The following ANKRD10 variants were observed in gnomAD, a reference collection of about 807,000 sequenced individuals.
The protein encoded by ANKRD10 is ankyrin repeat domain-containing protein 10.
Under a neutral mutation model 27.0 loss-of-function variants are expected in ANKRD10, and 14 were observed. The observed-to-expected ratio is 0.52, with a 90% CI of 0.34 to 0.81. The LOEUF is 0.81. ANKRD10 is among the 40% of genes least tolerant of loss of function. The pLI, the probability that ANKRD10 is intolerant of heterozygous loss-of-function variation, is 0.01. For synonymous variants in ANKRD10, 250 were observed against 224.5 expected (o/e 1.11, Z -1.01); for missense variants, 493 against 544.0 (o/e 0.91, Z 0.93).
At chr13:110,896,292 T>C (rs1284211730) in intron 3 of ANKRD10, among the ~76,000 whole-genome samples, 3 of 152,240 alleles carry the variant, frequency 2.0e-5, no homozygotes, top group Non-Finnish European at 4.4e-5. Context: ...TCTCTGCTTC[T>C]AGTGAGGTAC....
chr13:110,881,693 G>A lies in ANKRD10; in HGVS notation c.788-1581C>T, dbSNP rs146198284. Among the ~76,000 whole-genome samples the A allele has an allele frequency of 1.7e-3, 258 of 152,222 alleles. 3 individuals are homozygous for A. The highest frequency in any genetic ancestry group is 2.3e-3 in the Non-Finnish European group (156 of 68,010). On this transcript the variant is annotated intron_variant, in intron 5 of 5. Coordinates refer to ENST00000267339, the MANE Select transcript of ANKRD10 (RefSeq NM_017664.4). Reference sequence around the variant, plus strand: ...CAAAGTATAAACAATGTTTTCCTAGGTGACAAAACTCAAATATGATGGCAA... The same window carrying A: ...CAAAGTATAAACAATGTTTTCCTAGATGACAAAACTCAAATATGATGGCAA...
intron 4 of ANKRD10, chr13:110,892,818 C>T: frequency 9.6e-6 from 13 of 1,351,510 alleles, no homozygotes. Flanking sequence ...TACACTTGGG[C>T]CATCAGTATT....
At chr13:110,914,124 C>CG (rs2065805385) in intron 1 of ANKRD10, among the ~76,000 whole-genome samples, 1 of 152,190 alleles carries the variant, frequency 6.6e-6, no homozygotes, top group Non-Finnish European at 1.5e-5. Context: ...AGCCGGCCTC[C>CG]ATCCCACACA....
chr13:110,885,341 A>G (rs2064900940), intron 4 of ANKRD10, among the ~76,000 whole-genome samples: 1 of 152,092 alleles, frequency 6.6e-6, no homozygotes. Context: ...TCACGAGGTC[A>G]AGAGATCGAG....
intron 4 of ANKRD10, among the ~76,000 whole-genome samples, chr13:110,891,629 T>A (rs1328731361): frequency 6.6e-6 from 1 of 152,058 alleles, no homozygotes; most frequent in Non-Finnish European, 1.5e-5. Context: ...GTAGAAAAGA[T>A]GATGTTGGTT....
At chr13:110,905,889 TA>T in intron 3 of ANKRD10, 143 bp downstream of exon 3, 2 of 672,258 alleles carry the variant, frequency 3.0e-6, no homozygotes, top group Non-Finnish European at 4.9e-6. Flanking sequence ...TTTTCCTCAC[TA>T]ACACCAACTG....
chr13:110,883,852 G>T, intron 4 of ANKRD10, 59 bp from the exon 5 acceptor site: 1 of 1,529,822 alleles, frequency 6.5e-7, no homozygotes, highest in Non-Finnish European at 8.9e-7. Context: ...TAAGTGTTCA[G>T]ACACACAGTT....
rs1046601277 is a variant in ANKRD10, at chr13:110,915,062, G to T, written c.-128C>A. ...GTCGCGTCCCACAGGCTGCCGAGCGGAGCGCGCACAGAGGGGGCGGGGCGG... is the reference window on the plus strand; with the variant it reads ...GTCGCGTCCCACAGGCTGCCGAGCGTAGCGCGCACAGAGGGGGCGGGGCGG... On this transcript the variant is annotated 5_prime_UTR_variant, in exon 1 of 6. Transcript: ENST00000267339. 1 of 1,404,782 alleles carries T rather than the reference G, an allele frequency of 7.1e-7. No homozygotes were observed. Among genetic ancestry groups the T allele is most frequent in the Non-Finnish European group, 9.2e-7 (1 of 1,084,792 alleles). The allele number at this position is 1,404,782 out of a possible 1,614,324, so 87.0% of individuals were successfully genotyped here. A position where few individuals can be genotyped will look rare whatever the true frequency, so the allele number is the denominator to read the frequency against.
At chr13:110,911,050 G>T (rs1313570047) in intron 1 of ANKRD10, among the ~76,000 whole-genome samples, 1 of 152,146 alleles carries the variant, frequency 6.6e-6, no homozygotes, top group Non-Finnish European at 1.5e-5. Flanking sequence ...AATTGAATAA[G>T]CCAAAATCAG....
At chr13:110,886,894 A>C (rs1456557700) in intron 4 of ANKRD10, among the ~76,000 whole-genome samples, 1 of 152,170 alleles carries the variant, frequency 6.6e-6, no homozygotes, top group Non-Finnish European at 1.5e-5. Context: ...CTTTTTTCAA[A>C]GGGTCTTCAC....
chr13:110,887,382 G>C (rs2064959872), intron 4 of ANKRD10, among the ~76,000 whole-genome samples: 1 of 152,154 alleles, frequency 6.6e-6, no homozygotes. Flanking sequence ...TGCCACTACA[G>C]AGGCTTATGG....
chr13:110,902,049 GAA>G (rs10656736), intron 3 of ANKRD10, among the ~76,000 whole-genome samples: 167 of 115,392 alleles, frequency 1.4e-3, no homozygotes, highest in Middle Eastern at 0.01. Flanking sequence ...TCTCTTTTTA[GAA>G]AAAAAAAAAA....
At chr13:110,884,164 C>T (rs2064871032) in intron 4 of ANKRD10, among the ~76,000 whole-genome samples, 1 of 151,736 alleles carries the variant, frequency 6.6e-6, no homozygotes, top group African/African-American at 2.4e-5. Flanking sequence ...CTTAAATTTA[C>T]ATACAATTAA....
In ANKRD10 at chr13:110,884,876, T is replaced by C. The variant is rs1480266719; in HGVS notation, c.692-1083A>G. 3.3e-5 allele frequency among the ~76,000 whole-genome samples: 5 copies of C among 152,224 alleles called. No homozygotes were observed. In the East Asian group the frequency reaches 9.6e-4, roughly 29 times the overall value. On this transcript the variant is annotated intron_variant, in intron 4 of 5. Transcript: ENST00000267339. ...AATAGGGAGAATGGAACTTTGCAGC[T>C]TGAATTAGCTCTAGTTTTAGAGGCC...
rs767715678 is a variant in ANKRD10 at position 110,879,918 on chromosome 13, T to C, written c.982A>G (p.Ile328Val). The C allele has an allele frequency of 3.1e-6, 5 of 1,614,212 alleles. No homozygotes were observed. The highest frequency in any genetic ancestry group is 3.4e-6 in the Non-Finnish European group (4 of 1,180,034). ...TTCTCTGGCTCCTCAGTCCCACTAA[T>C]GCAGAGAGAACCCTGGCTACTCGGA... ...PFPSSQGSLC[I>V]SGTEEPEKTL... The change falls in exon 6 of 6, where the codon ATT becomes GTT. Residue 328 changes from isoleucine (I) to valine (V), a missense_variant. Coordinates refer to ENST00000267339, the MANE Select transcript of ANKRD10 (RefSeq NM_017664.4).
intron 4 of ANKRD10, among the ~76,000 whole-genome samples, chr13:110,886,559 T>G (rs1235527598): frequency 1.3e-5 from 2 of 152,180 alleles, no homozygotes; most frequent in African/African-American, 4.8e-5. Flanking sequence ...GTAGAGATAT[T>G]AAGCCCGCAA....
chr13:110,913,741 C>T (rs2065790285), intron 1 of ANKRD10, among the ~76,000 whole-genome samples: 1 of 152,178 alleles, frequency 6.6e-6, no homozygotes, highest in East Asian at 1.9e-4. Flanking sequence ...CATTTAACCC[C>T]ATCTCATCAC....
intron 3 of ANKRD10, among the ~76,000 whole-genome samples, chr13:110,897,893 G>A (rs898409180): frequency 5.3e-5 from 8 of 152,112 alleles, no homozygotes; most frequent in African/African-American, 1.9e-4. Flanking sequence ...ATTCTAACGG[G>A]GGTAAGACAA....
chr13:110,914,312 G>A (rs907804877), intron 1 of ANKRD10, among the ~76,000 whole-genome samples: 2 of 152,180 alleles, frequency 1.3e-5, no homozygotes, highest in Admixed American at 6.5e-5. Context: ...CGACTTCGCG[G>A]CCTAATACCC....
Sources: allele counts gnomAD v4.1 joint callset (sites outside exome capture counted in the v4.1 genomes callset), GRCh38; gene constraint gnomAD v4.1.1; transcripts MANE v1.5; gene names NCBI Gene and HGNC (gene_info 2026-07-23, HGNC 2026-07-21).